ZSCAN10: variants seen among roughly 807,000 people sequenced by gnomAD.
The protein encoded by ZSCAN10 is zinc finger and SCAN domain-containing protein 10.
In ZSCAN10, 52 loss-of-function variants were observed where a neutral mutation model predicts 63.7. The observed-to-expected ratio is 0.82, with a 90% CI of 0.65 to 1.03. The LOEUF is 1.03. ZSCAN10 is among the 50% of genes least tolerant of loss of function. The pLI, the probability that ZSCAN10 is intolerant of heterozygous loss-of-function variation, is 0.00. For missense variants in ZSCAN10, 1,223 were observed against 1,103.8 expected, an observed-to-expected ratio of 1.11 and a Z score of -1.53; for synonymous variants, 544 against 479.6, an observed-to-expected ratio of 1.13 and a Z score of -1.76.
At chr16:3,093,101 G>A (rs1313302035) in intron 1 of ZSCAN10, 97 bp from the exon 2 acceptor site, 4 of 937,812 alleles carry the variant, frequency 4.3e-6, no homozygotes, top group African/African-American at 3.4e-5. Flanking sequence ...CGCAGACCCA[G>A]AGGAATCGCT....
intron 5 of ZSCAN10, 61 bp from the exon 6 acceptor site, chr16:3,090,707 A>G: frequency 1.4e-6 from 2 of 1,476,038 alleles, no homozygotes; most frequent in South Asian, 1.4e-5. Flanking sequence ...ATCAATCACC[A>G]GAACCTGATT....
rs776820091 is a variant in ZSCAN10, at chr16:3,089,059, C to T, written c.*32G>A. ...GCTGTGGAGGACCCCGGGTAGGTGG[C>T]GCAGGGCGCGGCTGGCGGAAGGCGG... On this transcript the variant is annotated 3_prime_UTR_variant, in exon 6 of 6. Coordinates refer to ENST00000576985, the MANE Select transcript of ZSCAN10 (RefSeq NM_032805.3). The T allele has an allele frequency of 6.8e-7, 1 of 1,461,168 alleles. No individual in the cohort carries two copies. The highest frequency in any genetic ancestry group is 1.4e-5 in the South Asian group (1 of 71,216). 90.5% of individuals were successfully genotyped at this position (1,461,168 alleles called of 1,614,324 possible). A position where few individuals can be genotyped will look rare whatever the true frequency, so the allele number is the denominator to read the frequency against.
Position 3,089,756 on chromosome 16 carries a change from T to C in ZSCAN10, c.1678A>G (p.Thr560Ala). 1 of 1,597,354 alleles carries C rather than the reference T, an allele frequency of 6.3e-7. No homozygotes were observed. The highest frequency in any genetic ancestry group is 1.1e-5 in the South Asian group (1 of 90,662). Residue 560 changes from threonine (T) to alanine (A), a missense_variant, in exon 6 of 6, where the codon ACG becomes GCG. Physicochemically the swap from Thr to Ala is moderately conservative, Grantham distance 58. Coordinates refer to ENST00000576985, the MANE Select transcript of ZSCAN10 (RefSeq NM_032805.3). ...TGGCTGACCAGCTGCGAGCTCTGCG[T>C]GAAGCTGCGGCCGCAAGCCTGGCAG... ...FSCQACGRSFTQSSQLVSHQR... is the reference protein window; with the variant it reads ...FSCQACGRSFAQSSQLVSHQR...
intron 1 of ZSCAN10, among the ~76,000 whole-genome samples, chr16:3,095,621 G>A (rs1957143121): frequency 6.6e-6 from 1 of 151,882 alleles, no homozygotes; most frequent in Non-Finnish European, 1.5e-5. Flanking sequence ...CAGGTCAGGA[G>A]ATCGAGACCA....
Position 3,090,238 on chromosome 16 carries a change from G to A in ZSCAN10, c.1196C>T (p.Thr399Met). The change falls in exon 6 of 6, where the codon ACG becomes ATG. Residue 399 changes from threonine to methionine, a missense_variant. Thr to Met is a moderately conservative substitution (Grantham distance 81). Transcript: ENST00000576985. ...GTGGCAGGCGTGCGGCCGCTCGTCC[G>A]TGTGAGTGCGCATGTGCAGCTTGAG... ...SILKLHMRTHTDERPHACHLC... is the reference protein window; with the variant it reads ...SILKLHMRTHMDERPHACHLC... 2.5e-6 allele frequency: 4 copies of A among 1,607,860 alleles called. No homozygotes were observed. Among genetic ancestry groups the A allele is most frequent in the Non-Finnish European group, 3.4e-6 (4 of 1,179,692 alleles).
intron 1 of ZSCAN10, among the ~76,000 whole-genome samples, chr16:3,098,950 C>T (rs918472949): frequency 6.6e-6 from 1 of 152,336 alleles, no homozygotes; most frequent in South Asian, 2.1e-4. Flanking sequence ...GCACGTGAAG[C>T]CAGCCTTCTT....
At chr16:3,092,512 G>A (rs1242539348) in intron 2 of ZSCAN10, 30 bp downstream of exon 2, 1 of 1,472,376 alleles carries the variant, frequency 6.8e-7, no homozygotes, top group South Asian at 1.4e-5. Flanking sequence ...TCATCCGCAT[G>A]CTGCTCAGCC....
chr16:3,094,064 G>A (rs1234867607), intron 1 of ZSCAN10, among the ~76,000 whole-genome samples: 1 of 152,162 alleles, frequency 6.6e-6, no homozygotes, highest in African/African-American at 2.4e-5. Flanking sequence ...GCAGGCTGCA[G>A]TGCAGTGGCG....
At chr16:3,097,016 G>A (rs1957161377) in intron 1 of ZSCAN10, among the ~76,000 whole-genome samples, 1 of 151,510 alleles carries the variant, frequency 6.6e-6, no homozygotes. Context: ...AGAATCTCTT[G>A]AACCCAGGAG....
In ZSCAN10 at chr16:3,091,541, C is replaced by T; in HGVS notation, c.786G>A (p.Leu262=). ...PENKAWPAHP[L]GFGSRTPDKE... Reference sequence around the variant, plus strand: ...CTTCTCCAGGGAAGGGTTGCTTACCCAGGGGGTGTGCAGGCCACGCCTTAT... The same window carrying T: ...CTTCTCCAGGGAAGGGTTGCTTACCTAGGGGGTGTGCAGGCCACGCCTTAT... Residue 262 remains leucine, a splice_region_variant and synonymous_variant, in exon 5 of 6, where the codon CTG becomes CTA. Transcript: ENST00000576985. 1.2e-6 allele frequency: 2 copies of T among 1,614,146 alleles called. No homozygotes were observed. Among genetic ancestry groups the T allele is most frequent in the Non-Finnish European group, 1.7e-6 (2 of 1,180,014 alleles).
At chr16:3,097,216 C>G (rs1002117107) in intron 1 of ZSCAN10, among the ~76,000 whole-genome samples, 2 of 151,130 alleles carry the variant, frequency 1.3e-5, no homozygotes, top group African/African-American at 4.9e-5. Context: ...CCCTGAACCT[C>G]CTCAGGTGGG....
chr16:3,093,000 C>T lies in ZSCAN10; in HGVS notation c.-63G>A. The T allele has an allele frequency of 7.2e-7, 1 of 1,383,522 alleles. No individual in the cohort carries two copies. The highest frequency in any genetic ancestry group is 9.3e-7 in the Non-Finnish European group (1 of 1,072,360). 85.7% of individuals were successfully genotyped at this position (1,383,522 alleles called of 1,614,324 possible). A position where few individuals can be genotyped will look rare whatever the true frequency, so the allele number is the denominator to read the frequency against. ...CTCTTGGGTCTCTCTCCTCTCCTCC[C>T]ACACCTGCGAAGGTGAACACCCTGG... On this transcript the variant is annotated 5_prime_UTR_variant, in exon 2 of 6. Transcript: ENST00000576985.
Position 3,089,076 on chromosome 16 carries a change from G to A in ZSCAN10, c.*15C>T. ...GTAGGTGGCGCAGGGCGCGGCTGGC[G>A]GAAGGCGGGCCAAGCTAGTACAGCG... On this transcript the variant is annotated 3_prime_UTR_variant, in exon 6 of 6. Coordinates refer to ENST00000576985, the MANE Select transcript of ZSCAN10 (RefSeq NM_032805.3). 3 of 1,473,516 alleles carry A rather than the reference G, an allele frequency of 2.0e-6. No homozygotes were observed. The highest frequency in any genetic ancestry group is 8.9e-7 in the Non-Finnish European group (1 of 1,123,818). The allele number at this position is 1,473,516 out of a possible 1,614,324, so 91.3% of individuals were successfully genotyped here.
chr16:3,091,443 G>A, intron 5 of ZSCAN10, 97 bp downstream of exon 5: 1 of 1,367,402 alleles, frequency 7.3e-7, no homozygotes, highest in South Asian at 1.2e-5. Flanking sequence ...CAGGAGTGGA[G>A]ACTAGCCTGG....
At chr16:3,095,964 G>C (rs1957149490) in intron 1 of ZSCAN10, among the ~76,000 whole-genome samples, 1 of 152,122 alleles carries the variant, frequency 6.6e-6, no homozygotes, top group Admixed American at 6.5e-5. Context: ...CTGCAACATT[G>C]CACTCCAGCC....
chr16:3,092,891 C>T lies in ZSCAN10; in HGVS notation c.47G>A (p.Gly16Glu). ...CTCCTCCTCCTCCAGCTTGACTTCC[C>T]CCAGCTGCTCCTGCTCCACGGCAGC... The part of the protein sequence containing the change: ...VPAAVEQEQL[G>E]EVKLEEEEAV... The change falls in exon 2 of 6, where the codon GGG becomes GAG. Residue 16 changes from glycine to glutamate, a missense_variant. Transcript: ENST00000576985. The T allele has an allele frequency of 1.4e-6, 2 of 1,441,818 alleles. No homozygotes were observed. The highest frequency in any genetic ancestry group is 1.5e-5 in the South Asian group (1 of 67,662). 89.3% of individuals were successfully genotyped at this position (1,441,818 alleles called of 1,614,324 possible). A position where few individuals can be genotyped will look rare whatever the true frequency, so the allele number is the denominator to read the frequency against.
In ZSCAN10 at chr16:3,091,683, G is replaced by C. The variant is rs1469951636; in HGVS notation, c.729+81C>G. On this transcript the variant is annotated intron_variant, in intron 4 of 5. Coordinates refer to ENST00000576985, the MANE Select transcript of ZSCAN10 (RefSeq NM_032805.3). ...TGAAATGCTTCCTAGGACTGAATCA[G>C]GGAAGGTATGGATTTGCTAAAACTA... 5.0e-6 allele frequency: 8 copies of C among 1,608,562 alleles called. No homozygotes were observed. In the South Asian group the frequency reaches 8.8e-5, roughly 18 times the overall value.
rs1957081162 is a variant in ZSCAN10 at position 3,091,822 on chromosome 16, T to G, written c.671A>C (p.Gln224Pro). Residue 224 changes from glutamine to proline, a missense_variant, in exon 4 of 6, where the codon CAG (glutamine) becomes CCG (proline). Gln to Pro is a moderately conservative substitution (Grantham distance 76). Coordinates refer to ENST00000576985, the MANE Select transcript of ZSCAN10 (RefSeq NM_032805.3). ...CTCCTCTGGCCATGGTGAGGGGCCC[T>G]GGGGACCTGACGGCATTGGGGAAGA... ...TFQALQESSP[Q>P]GPSPWPEESS... The G allele has an allele frequency of 6.4e-7, 1 of 1,572,304 alleles. No individual in the cohort carries two copies. The highest frequency in any genetic ancestry group is 2.4e-5 in the East Asian group (1 of 42,126).
Position 3,090,309 on chromosome 16 carries a change from G to A in ZSCAN10, c.1125C>T (p.Ser375=), listed in dbSNP as rs772698525. 10 of 1,609,486 alleles carry A rather than the reference G, an allele frequency of 6.2e-6. No homozygotes were observed. The East Asian group carries it at 1.8e-4, about 29-fold the overall frequency. Residue 375 remains serine, a synonymous_variant, in exon 6 of 6, where the codon TCC becomes TCT. Transcript: ENST00000576985. ...HQLRSHPAGR[S]FLCLCCGKSF... is the part of the protein sequence containing the mutation. ...TCTTCCCGCAGCAAAGGCACAGGAA[G>A]GAGCGCCCAGCCGGGTGCGAGCGCA...
Sources: gnomAD v4.1 joint callset for allele counts (sites outside exome capture counted in the v4.1 genomes callset) on GRCh38, gnomAD v4.1.1 for gene constraint, MANE v1.5 for transcripts, NCBI Gene and HGNC (gene_info 2026-07-23, HGNC 2026-07-21) for gene names.